DGLUCY: variants seen among roughly 807,000 people sequenced by gnomAD.
DGLUCY encodes the protein D-glutamate cyclase, mitochondrial.
DGLUCY carries 58 observed loss-of-function variants against 58.5 expected under a neutral mutation model. The ratio of observed to expected loss-of-function variants is 0.99; its 90% confidence interval spans 0.80 to 1.23. The LOEUF (loss-of-function observed/expected upper bound fraction) is 1.23, where lower values mean the gene tolerates loss of function less well. Among genes scored for constraint, DGLUCY ranks in the 50% most tolerant of loss-of-function variants. The probability of loss-of-function intolerance (pLI) is 0.00; values close to 1 mark genes in which losing one functional copy is unlikely to be tolerated. For synonymous variants in DGLUCY, 325 were observed against 314.1 expected, an observed-to-expected ratio of 1.03 and a Z score of -0.37; for missense variants, 779 against 784.7, an observed-to-expected ratio of 0.99 and a Z score of 0.09.
chr14:91,184,633 A>AGGGAGGGAGGGAGGG (rs2049385493), intron 8 of DGLUCY, among the ~76,000 whole-genome samples: 2 of 46,592 alleles, frequency 4.3e-5, no homozygotes, highest in African/African-American at 2.0e-4. Context: ...GGAAGGAAGG[A>AGGGAGGGAGGGAGGG]AGGGAGGGAG....
chr14:91,089,252 A>G (rs985164726), intron 1 of DGLUCY, among the ~76,000 whole-genome samples: 1 of 152,182 alleles, frequency 6.6e-6, no homozygotes, highest in Non-Finnish European at 1.5e-5. Context: ...GAAACTGCCA[A>G]ATGTCCAACT....
intron 8 of DGLUCY, among the ~76,000 whole-genome samples, chr14:91,185,101 T>C (rs2049420313): frequency 6.6e-6 from 1 of 151,822 alleles, no homozygotes; most frequent in Admixed American, 6.6e-5. Flanking sequence ...TCAACGTAGC[T>C]GGGATTACAG....
At chr14:91,120,018 G>A (rs2140135695) in intron 1 of DGLUCY, among the ~76,000 whole-genome samples, 2 of 152,312 alleles carry the variant, frequency 1.3e-5, no homozygotes, top group African/African-American at 4.8e-5. Context: ...TTGAGGTTTT[G>A]GGACTTGGAT....
intron 7 of DGLUCY, among the ~76,000 whole-genome samples, chr14:91,177,208 C>T (rs1359373499): frequency 6.6e-6 from 1 of 152,106 alleles, no homozygotes; most frequent in Non-Finnish European, 1.5e-5. Context: ...GTTACAATGT[C>T]CAGGCTGGTC....
intron 1 of DGLUCY, among the ~76,000 whole-genome samples, chr14:91,134,288 C>G (rs563948810): frequency 2.0e-5 from 3 of 152,290 alleles, no homozygotes; most frequent in Non-Finnish European, 2.9e-5. Flanking sequence ...CGTGAACATG[C>G]TGTCTCTCCA....
At chr14:91,091,884 C>T (rs1293835615) in intron 1 of DGLUCY, among the ~76,000 whole-genome samples, 1 of 152,174 alleles carries the variant, frequency 6.6e-6, no homozygotes, top group African/African-American at 2.4e-5. Context: ...TTCAACTCTC[C>T]TCTGCTCTAA....
At chr14:91,151,799 C>T (rs756478039) in intron 1 of DGLUCY, among the ~76,000 whole-genome samples, 320 of 152,116 alleles carry the variant, frequency 2.1e-3, no homozygotes, top group Non-Finnish European at 3.4e-3. Context: ...GAATTACAGG[C>T]GTGCGCCTCC....
chr14:91,183,669 G>A (rs2049318983), intron 8 of DGLUCY, among the ~76,000 whole-genome samples: 1 of 152,172 alleles, frequency 6.6e-6, no homozygotes. Flanking sequence ...AGGCAGCTAT[G>A]ATTAACTTCA....
chr14:91,078,355 A>AAG (rs2044066007), intron 1 of DGLUCY, among the ~76,000 whole-genome samples: 1 of 152,222 alleles, frequency 6.6e-6, no homozygotes, highest in African/African-American at 2.4e-5. Flanking sequence ...GAAAAACTGG[A>AAG]TTTAATAACC....
intron 1 of DGLUCY, among the ~76,000 whole-genome samples, chr14:91,100,907 C>T (rs541986251): frequency 9.2e-5 from 14 of 152,204 alleles, no homozygotes; most frequent in East Asian, 7.7e-4. Context: ...CCTGTCTCTA[C>T]TAAAAATACA....
chr14:91,170,183 C>A lies in DGLUCY; in HGVS notation c.438C>A (p.Ser146Arg), dbSNP rs751942283. Residue 146 changes from serine (S) to arginine (R), a missense_variant, in exon 5 of 14, where the codon AGC becomes AGA. Transcript: ENST00000256324. The stretch of plus-strand genomic sequence containing the variant: ...CCAGAAGAGACCCAGCAGGTCACAG[C>A]CAGGCGGGTGCATACAAGGTAGGGA... ...GLPRRDPAGHSQAGAYKTTVP... is the reference protein window; with the variant it reads ...GLPRRDPAGHRQAGAYKTTVP... The A allele has an allele frequency of 9.9e-6, 16 of 1,613,690 alleles. No individual in the cohort carries two copies. The highest frequency in any genetic ancestry group is 1.4e-5 in the Non-Finnish European group (16 of 1,179,962).
In DGLUCY at chr14:91,173,679, A is replaced by C. The variant is rs913250010; in HGVS notation, c.607+240A>C. On this transcript the variant is annotated intron_variant, in intron 6 of 13. Coordinates refer to ENST00000256324, the MANE Select transcript of DGLUCY (RefSeq NM_001102368.3). ...TTTTTACCAGGGGTCTCCAGGGGCAAAGGCCCTGAACAAGGCTCAAAGGCT... is the reference window on the plus strand; with the variant it reads ...TTTTTACCAGGGGTCTCCAGGGGCACAGGCCCTGAACAAGGCTCAAAGGCT... The C allele has an allele frequency of 6.3e-6, 3 of 476,934 alleles. No homozygotes were observed. In the Admixed American group the frequency reaches 1.2e-4, roughly 19 times the overall value. The allele number at this position is 476,934 out of a possible 1,614,324, so 29.5% of individuals were successfully genotyped here.
chr14:91,075,040 C>G (rs1329819057), intron 1 of DGLUCY, among the ~76,000 whole-genome samples: 1 of 150,386 alleles, frequency 6.6e-6, no homozygotes, highest in African/African-American at 2.5e-5. Flanking sequence ...CCATTGCACT[C>G]CAGCGTGGGC....
At chr14:91,223,677 A>C in intron 13 of DGLUCY, 1 of 1,287,108 alleles carries the variant, frequency 7.8e-7, no homozygotes, top group Non-Finnish European at 1.0e-6. Context: ...TTTAACCAGC[A>C]GGAGAGCAAA....
intron 1 of DGLUCY, among the ~76,000 whole-genome samples, chr14:91,062,227 T>C (rs1432091307): frequency 6.6e-6 from 1 of 152,156 alleles, no homozygotes; most frequent in Non-Finnish European, 1.5e-5. Context: ...TATATTCTTC[T>C]TTTAATTATT....
rs775116624 is a variant in DGLUCY, at chr14:91,160,305, C to T, written c.11C>T (p.Thr4Ile). MPF[T>I]LHLRSRLPSA... ...ATTCAAGTTGACACGATGCCCTTCA[C>T]ACTCCACCTGAGGTCCCGCCTTCCC... is the stretch of plus-strand genomic sequence containing the variant. The change falls in exon 3 of 14, where the codon ACA (threonine) becomes ATA (isoleucine). Residue 4 changes from threonine (T) to isoleucine (I), a missense_variant. Coordinates refer to ENST00000256324, the MANE Select transcript of DGLUCY (RefSeq NM_001102368.3). The T allele has an allele frequency of 3.1e-6, 5 of 1,611,578 alleles. No individual in the cohort carries two copies. The South Asian group carries it at 4.4e-5, about 14-fold the overall frequency.
At chr14:91,132,238 T>C in intron 1 of DGLUCY, among the ~76,000 whole-genome samples, 1 of 152,178 alleles carries the variant, frequency 6.6e-6, no homozygotes, top group African/African-American at 2.4e-5. Flanking sequence ...CAAAATTCAT[T>C]GTAGACCAAT....
intron 4 of DGLUCY, 22 bp from the exon 5 acceptor site, chr14:91,169,981 A>G: frequency 2.5e-6 from 4 of 1,609,396 alleles, no homozygotes; most frequent in Non-Finnish European, 2.5e-6. Context: ...GGGCCCTCCC[A>G]GCTTTCCCCT....
At chr14:91,106,158 A>G (rs1419800454), upstream of DGLUCY, among the ~76,000 whole-genome samples, 2 of 151,758 alleles carry the variant, frequency 1.3e-5, no homozygotes, top group Non-Finnish European at 2.9e-5. Context: ...AAATATAAAA[A>G]TTAGCCCGGC....
Sources: allele counts gnomAD v4.1 joint callset (sites outside exome capture counted in the v4.1 genomes callset), GRCh38; gene constraint gnomAD v4.1.1; transcripts MANE v1.5; gene names NCBI Gene and HGNC (gene_info 2026-07-23, HGNC 2026-07-21).